The following MEP1A variants were observed in gnomAD, a reference collection of about 807,000 sequenced individuals.
The protein encoded by MEP1A is meprin A subunit alpha.
Under a neutral mutation model 84.5 loss-of-function variants are expected in MEP1A, and 68 were observed. The ratio of observed to expected loss-of-function variants is 0.80; its 90% CI spans 0.66 to 0.98. The LOEUF (loss-of-function observed/expected upper bound fraction) is 0.98. Ranked by LOEUF, MEP1A falls within the 50% of genes least tolerant of loss-of-function variation. The pLI is 0.00. For synonymous variants in MEP1A, 337 were observed against 336.8 expected (o/e 1.00, Z -0.01); for missense variants, 887 against 919.9 (o/e 0.96, Z 0.46).
In MEP1A at chr6:46,835,391, C is replaced by A. The variant is rs1768194446; in HGVS notation, c.1926C>A (p.Ser642Arg). 3 of 1,611,998 alleles carry A rather than the reference C, an allele frequency of 1.9e-6. No homozygotes were observed. The highest frequency in any genetic ancestry group is 3.3e-5 in the Admixed American group (2 of 59,752). The change falls in exon 13 of 14, where the codon AGC (serine) becomes AGA (arginine). Residue 642 changes from serine (S) to arginine (R), a missense_variant. By Grantham distance (110) the Ser-to-Arg change is moderately radical (BLOSUM62 -1). Coordinates refer to ENST00000230588, the MANE Select transcript of MEP1A (RefSeq NM_005588.3). Reference sequence around the variant, plus strand: ...TGTTAGAGGAAGCCCTACCTGTCAGCCTGAGCCAGGGGCAGCCCAGCCGAC... The same window carrying A: ...TGTTAGAGGAAGCCCTACCTGTCAGACTGAGCCAGGGGCAGCCCAGCCGAC... ...KAMLEEALPV[S>R]LSQGQPSRQK... is the part of the protein sequence containing the mutation.
intron 10 of MEP1A, among the ~76,000 whole-genome samples, chr6:46,830,755 A>T (rs186830135): frequency 3.9e-5 from 6 of 152,284 alleles, no homozygotes; most frequent in African/African-American, 1.4e-4. Context: ...AATCGCCTAT[A>T]TCCAAGCCAC....
intron 5 of MEP1A, among the ~76,000 whole-genome samples, chr6:46,807,838 A>AGAAAGAAC: frequency 8.9e-6 from 1 of 112,130 alleles, no homozygotes; most frequent in East Asian, 2.3e-4. Context: ...AAAGAAAGAA[A>AGAAAGAAC]GGAAGAAAGG....
chr6:46,829,504 T>G lies in MEP1A; in HGVS notation c.1077T>G (p.Val359=). 1 of 1,614,188 alleles carries G rather than the reference T, an allele frequency of 6.2e-7. No individual in the cohort carries two copies. Among genetic ancestry groups the G allele is most frequent in the Non-Finnish European group, 8.5e-7 (1 of 1,180,024 alleles). Residue 359 remains valine, a synonymous_variant, in exon 10 of 14, where the codon GTT becomes GTG. Transcript: ENST00000230588. The part of the protein sequence containing the change: ...KMTGSPSDRL[V]VWVRRDDSTG... ...CGGGAAGTCCTTCAGACAGACTCGT[T>G]GTCTGGGTCAGGAGGGATGACAGCA...
intron 5 of MEP1A, among the ~76,000 whole-genome samples, chr6:46,808,175 G>A (rs931806303): frequency 1.3e-5 from 2 of 151,870 alleles, no homozygotes; most frequent in Non-Finnish European, 2.9e-5. Context: ...TGACACCACA[G>A]CTACCTTGGG....
At position 46,833,969 on chromosome 6, in the gene MEP1A, G is replaced by C. The variant is rs529452486; in HGVS notation, c.1609+431G>C. ...AGTAAACTTACATCAGTAAAGAAAT[G>C]GGCAAACTATTTTTTTTTTTTTTTT... On this transcript the variant is annotated intron_variant, in intron 11 of 13. Transcript: ENST00000230588. Among the ~76,000 whole-genome samples the C allele has an allele frequency of 3.6e-4, 54 of 148,684 alleles. 1 individual carries two copies. In the South Asian group the frequency reaches 0.011, roughly 31 times the overall value.
intron 10 of MEP1A, among the ~76,000 whole-genome samples, chr6:46,832,272 T>C (rs3799854): frequency 0.29 from 43,666 of 152,046 alleles, 7,132 homozygotes; most frequent in Middle Eastern, 0.38. Flanking sequence ...TTTGCGGAAT[T>C]GAGTTGCTTT....
intron 5 of MEP1A, among the ~76,000 whole-genome samples, chr6:46,808,685 G>T (rs571493090): frequency 6.6e-6 from 1 of 151,960 alleles, no homozygotes; most frequent in South Asian, 2.1e-4. Context: ...TTGATCTTTG[G>T]TCATTGGTCC....
In MEP1A at chr6:46,796,201, T is replaced by TG. The variant is rs541523854; in HGVS notation, c.146-2400dup. Among the ~76,000 whole-genome samples the TG allele has an allele frequency of 8.7e-4, 132 of 152,296 alleles. 1 individual carries two copies. Among genetic ancestry groups the TG allele is most frequent in the Admixed American group, 6.5e-3 (100 of 15,302 alleles). On this transcript the variant is annotated intron_variant, in intron 3 of 13. Transcript: ENST00000230588. Reference sequence around the variant, plus strand: ...ACTTAATGGACCAGAAATCCAACGGTGGGGGCTCATCAACGGGTGTTGACC... The same window carrying TG: ...ACTTAATGGACCAGAAATCCAACGGTGGGGGGCTCATCAACGGGTGTTGACC...
At chr6:46,843,136 G>T (rs149661195), downstream of MEP1A, among the ~76,000 whole-genome samples, 23 of 152,266 alleles carry the variant, frequency 1.5e-4, no homozygotes, top group African/African-American at 3.6e-4. Flanking sequence ...TTTGAGGTGG[G>T]TATTCTTTTC....
downstream of MEP1A, among the ~76,000 whole-genome samples, chr6:46,844,474 C>T (rs201184005): frequency 2.4e-4 from 36 of 152,248 alleles, no homozygotes; most frequent in East Asian, 5.8e-3. Flanking sequence ...ACATGGGCCT[C>T]ATCTGGGTCA....
At chr6:46,806,410 C>G (rs1307561726) in intron 5 of MEP1A, among the ~76,000 whole-genome samples, 1 of 152,010 alleles carries the variant, frequency 6.6e-6, no homozygotes, top group Non-Finnish European at 1.5e-5. Context: ...TGGTCTTGCC[C>G]TTAGTTCAAG....
At position 46,833,064 on chromosome 6, in the gene MEP1A, C is replaced by CT; in HGVS notation, c.1145-9dup. 1 of 1,479,824 alleles carries CT rather than the reference C, an allele frequency of 6.8e-7. No individual in the cohort carries two copies. 91.7% of individuals were successfully genotyped at this position (1,479,824 alleles called of 1,614,324 possible). On this transcript the variant is annotated splice_polypyrimidine_tract_variant and intron_variant, in intron 10 of 13. Transcript: ENST00000230588. ...TCACAGTTCTCACCAGCCTTGTTCT[C>CT]TGTCCTCAGGAGATGATGACCACAA...
At chr6:46,815,411 C>T (rs999183249) in intron 6 of MEP1A, among the ~76,000 whole-genome samples, 13 of 152,212 alleles carry the variant, frequency 8.5e-5, no homozygotes, top group Admixed American at 6.5e-4. Flanking sequence ...TCCCATGCAG[C>T]CCGCAGTCCT....
rs185882839 is a variant in MEP1A, at chr6:46,803,584, C to T, written c.262+4403C>T. Among the ~76,000 whole-genome samples the T allele has an allele frequency of 5.9e-5, 9 of 151,464 alleles. No individual in the cohort carries two copies. In the East Asian group the frequency reaches 1.7e-3, roughly 29 times the overall value. On this transcript the variant is annotated intron_variant, in intron 5 of 13. Transcript: ENST00000230588. ...TGCTTCTCTGCTTTATATTTAGTTG[C>T]TTTCTGTTACCTTTATTATTTCCTT...
intron 3 of MEP1A, among the ~76,000 whole-genome samples, chr6:46,794,211 C>T (rs1226350742): frequency 4.6e-5 from 7 of 152,148 alleles, no homozygotes; most frequent in Admixed American, 4.6e-4. Context: ...TCATCAGTCT[C>T]ATCCATTACT....
At chr6:46,800,005 A>G (rs1248244315) in intron 5 of MEP1A, among the ~76,000 whole-genome samples, 1 of 152,154 alleles carries the variant, frequency 6.6e-6, no homozygotes, top group Non-Finnish European at 1.5e-5. Flanking sequence ...AGTATTTTCC[A>G]TCCTCTTTAT....
chr6:46,793,795 T>A, intron 3 of MEP1A, 79 bp downstream of exon 3: 1 of 1,009,628 alleles, frequency 9.9e-7, no homozygotes, highest in Non-Finnish European at 1.5e-6. Flanking sequence ...CTTTCCTTCC[T>A]AATACTGTAT....
At chr6:46,828,030 T>A (rs955077402) in intron 9 of MEP1A, among the ~76,000 whole-genome samples, 1 of 152,170 alleles carries the variant, frequency 6.6e-6, no homozygotes, top group African/African-American at 2.4e-5. Flanking sequence ...GGTGGATGCG[T>A]AGACACAAAG....
chr6:46,809,583 C>A, intron 6 of MEP1A, 46 bp downstream of exon 6: 2 of 1,288,308 alleles, frequency 1.6e-6, no homozygotes, highest in South Asian at 1.3e-5. Context: ...TACTTTGGTT[C>A]GTAAGAAGTA....
Sources: gnomAD v4.1 joint callset for allele counts (sites outside exome capture counted in the v4.1 genomes callset) on GRCh38, gnomAD v4.1.1 for gene constraint, MANE v1.5 for transcripts, NCBI Gene and HGNC (gene_info 2026-07-23, HGNC 2026-07-21) for gene names.